Variants in ACTA2 observed in about 807,000 individuals in gnomAD.
ACTA2 encodes the protein actin alpha 2, smooth muscle.
Under a neutral mutation model 39.5 loss-of-function variants are expected in ACTA2, and 12 were observed. That is an observed-to-expected ratio of 0.30 (90% CI 0.19 to 0.49). The LOEUF is 0.49. ACTA2 is among the 20% of genes least tolerant of loss of function. ACTA2 has a pLI of 0.99. For synonymous variants in ACTA2, 158 were observed against 180.6 expected (o/e 0.88, Z 1.00); for missense variants, 236 against 498.8 (o/e 0.47, Z 5.02).
upstream of ACTA2, among the ~76,000 whole-genome samples, chr10:88,954,728 G>T (rs1025406918): frequency 5.3e-5 from 8 of 152,062 alleles, no homozygotes; most frequent in African/African-American, 1.7e-4. Flanking sequence ...AGGACTCAAG[G>T]TTTAGTTTTT....
intron 1 of ACTA2, among the ~76,000 whole-genome samples, chr10:88,976,355 G>A (rs1347505237): frequency 1.3e-5 from 2 of 152,168 alleles, no homozygotes; most frequent in Non-Finnish European, 2.9e-5. Context: ...TTAATATATT[G>A]ATATTATCAC....
intron 4 of ACTA2, among the ~76,000 whole-genome samples, chr10:88,942,083 G>A (rs1845866121): frequency 1.3e-5 from 2 of 152,156 alleles, no homozygotes; most frequent in Admixed American, 1.3e-4. Context: ...GACAGGGTGG[G>A]GAGGGGAAGA....
At chr10:88,973,571 A>G in intron 1 of ACTA2, 1 of 315,290 alleles carries the variant, frequency 3.2e-6, no homozygotes, top group South Asian at 1.2e-4. Flanking sequence ...ACCACTTCCC[A>G]TTCCCCAAAA....
chr10:88,959,562 G>T (rs888950205), intron 1 of ACTA2, among the ~76,000 whole-genome samples: 6 of 152,192 alleles, frequency 3.9e-5, no homozygotes, highest in Admixed American at 2.0e-4. Flanking sequence ...TATTAGAATA[G>T]AAAAGTTGTG....
intron 3 of ACTA2, chr10:88,946,786 A>T (rs1463968907): frequency 1.3e-5 from 2 of 152,020 alleles, no homozygotes; most frequent in African/African-American, 4.9e-5. Context: ...GTACATGTGC[A>T]CAACGTGCAG....
upstream of ACTA2, among the ~76,000 whole-genome samples, chr10:88,955,745 C>T (rs1846127976): frequency 6.6e-6 from 1 of 152,058 alleles, no homozygotes; most frequent in Non-Finnish European, 1.5e-5. Context: ...TGAGAAAAAC[C>T]ATGCAACATG....
intron 4 of ACTA2, among the ~76,000 whole-genome samples, chr10:88,943,037 A>T (rs1427402987): frequency 6.6e-6 from 1 of 152,260 alleles, no homozygotes; most frequent in Non-Finnish European, 1.5e-5. Context: ...TCATTTATGT[A>T]GTCAATATAA....
rs115939322 is a variant in ACTA2 at position 88,936,488 on chromosome 10, T to C, written c.991-1122A>G. ...GATCTCTCATGAATGGCTTAGGACA[T>C]CTCCTTGGTGATAAGTGAGCTCTTC... is the stretch of plus-strand genomic sequence containing the variant. On this transcript the variant is annotated intron_variant, in intron 8 of 8. Transcript: ENST00000224784. Among the ~76,000 whole-genome samples the C allele has an allele frequency of 7.3e-3, 1,107 of 152,152 alleles. 19 individuals are homozygous for C. Among genetic ancestry groups the C allele is most frequent in the African/African-American group, 0.025 (1,031 of 41,494 alleles).
intron 1 of ACTA2, among the ~76,000 whole-genome samples, chr10:88,966,603 A>G (rs1000156040): frequency 6.6e-6 from 1 of 152,172 alleles, no homozygotes; most frequent in African/African-American, 2.4e-5. Context: ...AAAGGAAAGC[A>G]TGACTTAGAC....
intron 1 of ACTA2, among the ~76,000 whole-genome samples, chr10:88,960,971 T>C (rs935647055): frequency 2.6e-5 from 4 of 152,114 alleles, no homozygotes; most frequent in African/African-American, 9.7e-5. Context: ...ATTAGTGCAT[T>C]GTTCAATTTT....
intron 1 of ACTA2, chr10:88,989,344 C>CTTTT: frequency 3.2e-6 from 1 of 311,230 alleles, no homozygotes; most frequent in South Asian, 2.6e-5. Flanking sequence ...CTTCTTTTTA[C>CTTTT]ATTTTTTTAT....
At chr10:88,969,818 G>T (rs1033670426) in intron 1 of ACTA2, among the ~76,000 whole-genome samples, 1 of 152,140 alleles carries the variant, frequency 6.6e-6, no homozygotes, top group African/African-American at 2.4e-5. Flanking sequence ...GACACTGATT[G>T]TTCACCATCA....
intron 1 of ACTA2, chr10:88,989,619 A>C (rs773333253): frequency 3.4e-5 from 18 of 528,812 alleles, no homozygotes; most frequent in Non-Finnish European, 6.4e-5. Flanking sequence ...GGTGATGGAA[A>C]GCCCTCAGGA....
At chr10:88,960,182 T>C (rs1846203774) in intron 1 of ACTA2, among the ~76,000 whole-genome samples, 1 of 152,112 alleles carries the variant, frequency 6.6e-6, no homozygotes, top group African/African-American at 2.4e-5. Context: ...GAGGACAGAG[T>C]ATTTATATAA....
chr10:88,956,349 A>G (rs1342232383), upstream of ACTA2, among the ~76,000 whole-genome samples: 1 of 152,210 alleles, frequency 6.6e-6, no homozygotes, highest in Non-Finnish European at 1.5e-5. Flanking sequence ...CACTTGACTC[A>G]TGGCTGCTTC....
chr10:88,937,846 G>A (rs1296191801), intron 8 of ACTA2, among the ~76,000 whole-genome samples: 3 of 152,198 alleles, frequency 2.0e-5, no homozygotes, highest in African/African-American at 4.8e-5. Context: ...GACAGACAAG[G>A]ATAAATAGAG....
In ACTA2 at chr10:88,968,329, T is replaced by A. The variant is rs545799292; in HGVS notation, c.-23-19376A>T. Among the ~76,000 whole-genome samples, 17 of 152,316 alleles carry A rather than the reference T, an allele frequency of 1.1e-4. No homozygotes were observed. The East Asian group carries it at 3.1e-3, about 28-fold the overall frequency. ...TAGCCAGCATATGTAATACAGGTGA[T>A]TCCTTTCAGCGATGGGAGCTGGACA... is the stretch of plus-strand genomic sequence containing the variant. On this transcript the variant is annotated intron_variant, in intron 1 of 4. Coordinates refer to the ACTA2 transcript ENST00000415557.
chr10:88,978,915 T>A (rs562041166), intron 1 of ACTA2, among the ~76,000 whole-genome samples: 5 of 151,568 alleles, frequency 3.3e-5, no homozygotes, highest in South Asian at 2.1e-4. Context: ...ATTATTATTA[T>A]TAATAGGAAC....
chr10:88,965,001 G>A (rs1194093490), intron 1 of ACTA2, among the ~76,000 whole-genome samples: 2 of 152,058 alleles, frequency 1.3e-5, no homozygotes, highest in Non-Finnish European at 2.9e-5. Flanking sequence ...GTCCAGCCCT[G>A]TGTATTCTAT....
Sources: allele counts gnomAD v4.1 joint callset (sites outside exome capture counted in the v4.1 genomes callset), GRCh38; gene constraint gnomAD v4.1.1; transcripts MANE v1.5; gene names NCBI Gene and HGNC (gene_info 2026-07-23, HGNC 2026-07-21).